The following YTHDF3 variants were observed in gnomAD, a reference collection of about 807,000 sequenced individuals.
The protein encoded by YTHDF3 is YTH N6-methyladenosine RNA binding protein F3.
In YTHDF3, 9 loss-of-function variants were observed where a neutral mutation model predicts 52.5. The observed-to-expected ratio is 0.17, with a 90% confidence interval of 0.10 to 0.30. YTHDF3 has a LOEUF of 0.30. YTHDF3 is among the 10% of genes least tolerant of loss of function. The pLI, the probability that YTHDF3 is intolerant of heterozygous loss-of-function variation, is 1.00. For missense variants in YTHDF3, 534 were observed against 715.0 expected (o/e 0.75, Z 2.89); for synonymous variants, 274 against 243.3 (o/e 1.13, Z -1.18).
intron 1 of YTHDF3, chr8:63,169,106 G>A: frequency 3.6e-6 from 5 of 1,384,186 alleles, no homozygotes; most frequent in Non-Finnish European, 4.6e-6. Context: ...GCCGCGGCGG[G>A]TGGGGGCAAG....
chr8:63,186,561 A>T lies in YTHDF3; in HGVS notation c.550A>T (p.Ile184Phe). The change falls in exon 4 of 5, where the codon ATT (isoleucine) becomes TTT (phenylalanine). Residue 184 changes from isoleucine to phenylalanine, a missense_variant. Physicochemically the swap from Ile to Phe is conservative, Grantham distance 21. This residue lies in a region of YTHDF3 where 196 missense variants were observed against 299.5 expected (regional missense o/e 0.65). Transcript: ENST00000539294. ...GNDTLSKVPGISSIEQGMTGL... is the reference protein window; with the variant it reads ...GNDTLSKVPGFSSIEQGMTGL... ...TGATACTTTGAGTAAGGTGCCTGGCATTAGCAGTATTGAGCAAGGCATGAC... is the reference window on the plus strand; with the variant it reads ...TGATACTTTGAGTAAGGTGCCTGGCTTTAGCAGTATTGAGCAAGGCATGAC... 1 of 1,614,018 alleles carries T rather than the reference A, an allele frequency of 6.2e-7. No individual in the cohort carries two copies. Among genetic ancestry groups the T allele is most frequent in the Non-Finnish European group, 8.5e-7 (1 of 1,179,886 alleles).
At chr8:63,204,683 C>T (rs556662843) in intron 4 of YTHDF3, among the ~76,000 whole-genome samples, 3 of 152,292 alleles carry the variant, frequency 2.0e-5, no homozygotes, top group Non-Finnish European at 4.4e-5. Context: ...CATTTCATAG[C>T]AAGTGTCTGA....
chr8:63,199,484 T>TTATGTATTTGCTGAAGAAA (rs1234867284), intron 4 of YTHDF3, among the ~76,000 whole-genome samples: 2 of 152,220 alleles, frequency 1.3e-5, no homozygotes, highest in African/African-American at 4.8e-5. Context: ...CAGCTGTGTT[T>TTATGTATTTGCTGAAGAAA]AATTTATCTT....
Position 63,210,984 on chromosome 8 carries a change from A to G in YTHDF3, c.*1278A>G, listed in dbSNP as rs1176377974. 2 of 152,564 alleles carry G rather than the reference A, an allele frequency of 1.3e-5. No homozygotes were observed. Among genetic ancestry groups the G allele is most frequent in the Non-Finnish European group, 2.9e-5 (2 of 67,978 alleles). 9.5% of individuals were successfully genotyped at this position (152,564 alleles called of 1,614,324 possible). A position where few individuals can be genotyped will look rare whatever the true frequency, so the allele number is the denominator to read the frequency against. On this transcript the variant is annotated 3_prime_UTR_variant, in exon 5 of 5. Transcript: ENST00000539294. The stretch of plus-strand genomic sequence containing the variant: ...ACTGCCCCATGTATTACTGTTCCAA[A>G]AGGAGAAAGCTATGTAGAAAGATAC...
intron 4 of YTHDF3, among the ~76,000 whole-genome samples, chr8:63,204,754 G>A (rs767533227): frequency 6.6e-6 from 1 of 152,116 alleles, no homozygotes; most frequent in Non-Finnish European, 1.5e-5. Context: ...TGTTATTTAT[G>A]TTCTCAGTGT....
Position 63,197,644 on chromosome 8 carries a change from A to T in YTHDF3, c.1734+9899A>T, listed in dbSNP as rs116020341. On this transcript the variant is annotated intron_variant, in intron 4 of 4. Coordinates refer to ENST00000539294, the MANE Select transcript of YTHDF3 (RefSeq NM_152758.6). ...AGAGAAGTGGGATATACCATATTCA[A>T]TGTGATATGGTAAATTACTCATGTA... Among the ~76,000 whole-genome samples the T allele has an allele frequency of 8.0e-3, 1,214 of 152,322 alleles. 24 individuals carry two copies. Among genetic ancestry groups the T allele is most frequent in the African/African-American group, 0.028 (1,170 of 41,572 alleles).
intron 4 of YTHDF3, chr8:63,188,699 ATATTT>A (rs1425012314): frequency 8.8e-5 from 5 of 56,714 alleles, no homozygotes; most frequent in East Asian, 7.7e-4. Flanking sequence ...ATATATATAT[ATATTT>A]TTTTTTTTTT....
chr8:63,202,628 AT>A (rs1159518026), intron 4 of YTHDF3, among the ~76,000 whole-genome samples: 1 of 151,712 alleles, frequency 6.6e-6, no homozygotes, highest in African/African-American at 2.4e-5. Flanking sequence ...CACCCAGCTA[AT>A]TTTTTGTATT....
At chr8:63,194,243 G>A (rs1011867078) in intron 4 of YTHDF3, among the ~76,000 whole-genome samples, 1 of 152,188 alleles carries the variant, frequency 6.6e-6, no homozygotes, top group Non-Finnish European at 1.5e-5. Context: ...CAGCATTTCG[G>A]GAGGCCGATG....
At chr8:63,173,199 T>TA (rs1377004012) in intron 2 of YTHDF3, among the ~76,000 whole-genome samples, 1 of 143,006 alleles carries the variant, frequency 7.0e-6, no homozygotes, top group African/African-American at 2.9e-5. Flanking sequence ...AACAGGATTA[T>TA]ATTTATATAT....
chr8:63,193,448 A>ACT (rs1280101455), intron 4 of YTHDF3, among the ~76,000 whole-genome samples: 3 of 151,292 alleles, frequency 2.0e-5, no homozygotes, highest in Non-Finnish European at 2.9e-5. Flanking sequence ...AACTTAACTG[A>ACT]CTAAAGATTT....
At chr8:63,175,303 A>G (rs1225622778) in intron 2 of YTHDF3, 28 bp from the exon 3 acceptor site, 1 of 1,541,542 alleles carries the variant, frequency 6.5e-7, no homozygotes, top group Non-Finnish European at 8.9e-7. Context: ...AGATAACTAC[A>G]ACACTTCTAA....
chr8:63,208,634 G>A (rs1169979975), intron 4 of YTHDF3, among the ~76,000 whole-genome samples: 1 of 152,130 alleles, frequency 6.6e-6, no homozygotes, highest in Non-Finnish European at 1.5e-5. Flanking sequence ...ATTAAAACAA[G>A]GTTGTACAAA....
At chr8:63,186,007 A>T in intron 3 of YTHDF3, 140 bp from the exon 4 acceptor site, 2 of 965,734 alleles carry the variant, frequency 2.1e-6, no homozygotes, top group Non-Finnish European at 2.9e-6. Flanking sequence ...CTGGATTTGA[A>T]ATTTTAATTT....
In YTHDF3 at chr8:63,169,123, T is replaced by G. The variant is rs1227804456; in HGVS notation, c.24+222T>G. On this transcript the variant is annotated intron_variant, in intron 1 of 4. Transcript: ENST00000539294. ...CGCGGCGGGTGGGGGCAAGGACCGG[T>G]CTTAGGGGCCTTAGGACAGATCCTG... 8 of 1,416,346 alleles carry G rather than the reference T, an allele frequency of 5.6e-6. No individual in the cohort carries two copies. The East Asian group carries it at 7.9e-5, about 14-fold the overall frequency. 87.7% of individuals were successfully genotyped at this position (1,416,346 alleles called of 1,614,324 possible).
chr8:63,204,204 C>T (rs1038793379), intron 4 of YTHDF3, among the ~76,000 whole-genome samples: 2 of 148,902 alleles, frequency 1.3e-5, no homozygotes, highest in African/African-American at 2.6e-5. Flanking sequence ...TTTGTGCTTT[C>T]CATTTCTTTA....
rs1371019684 is a variant in YTHDF3, at chr8:63,187,234, A to C, written c.1223A>C (p.Asp408Ala). ...LKAINNYNPK[D>A]FDWNLKNGRV... The stretch of plus-strand genomic sequence containing the variant: ...GCCATAAACAACTATAATCCCAAAG[A>C]CTTTGATTGGAATCTGAAGAATGGA... Residue 408 changes from aspartate to alanine, a missense_variant, in exon 4 of 5, where the codon GAC becomes GCC. Transcript: ENST00000539294. 6.2e-7 allele frequency: 1 copy of C among 1,614,078 alleles called. No individual in the cohort carries two copies.
chr8:63,191,532 A>G (rs1343882002), intron 4 of YTHDF3, among the ~76,000 whole-genome samples: 2 of 152,178 alleles, frequency 1.3e-5, no homozygotes, highest in South Asian at 2.1e-4. Flanking sequence ...ATTGAGCACA[A>G]AAGACTGTGT....
Position 63,209,624 on chromosome 8 carries a change from A to G in YTHDF3, c.1735-59A>G, listed in dbSNP as rs886492769. 4 of 1,464,306 alleles carry G rather than the reference A, an allele frequency of 2.7e-6. No homozygotes were observed. In the African/African-American group the frequency reaches 5.7e-5, roughly 21 times the overall value. 90.7% of individuals were successfully genotyped at this position (1,464,306 alleles called of 1,614,324 possible). A position where few individuals can be genotyped will look rare whatever the true frequency, so the allele number is the denominator to read the frequency against. On this transcript the variant is annotated intron_variant, in intron 4 of 4. Coordinates refer to ENST00000539294, the MANE Select transcript of YTHDF3 (RefSeq NM_152758.6). ...ATATGTGCATATAGTTTAAATCTTT[A>G]AATAATGAGAGTTTTTCATTGTAAT... is the stretch of plus-strand genomic sequence containing the variant.
Sources: allele counts gnomAD v4.1 joint callset (sites outside exome capture counted in the v4.1 genomes callset), GRCh38; gene constraint gnomAD v4.1.1; regional missense constraint gnomAD v4.1.1; transcripts MANE v1.5; gene names NCBI Gene and HGNC (gene_info 2026-07-23, HGNC 2026-07-21).